Variants in CPED1 observed in about 807,000 individuals in gnomAD.
CPED1 encodes the protein cadherin like and PC-esterase domain containing 1, also known as cadherin-like and PC-esterase domain-containing protein 1.
In CPED1, 114 loss-of-function variants were observed where a neutral mutation model predicts 128.2. The ratio of observed to expected loss-of-function variants is 0.89; its 90% CI spans 0.76 to 1.04. CPED1 has a LOEUF of 1.04. CPED1 is among the 50% of genes least tolerant of loss of function. The pLI is 0.00. For synonymous variants in CPED1, 462 were observed against 426.7 expected, an observed-to-expected ratio of 1.08 and a Z score of -1.02; for missense variants, 1,211 against 1,207.1, an observed-to-expected ratio of 1.00 and a Z score of -0.05.
At position 120,989,663 on chromosome 7, in the gene CPED1, C is replaced by T. The variant is rs1796276560; in HGVS notation, c.42C>T (p.Cys14=). 6.2e-7 allele frequency: 1 copy of T among 1,614,000 alleles called. No individual in the cohort carries two copies. Among genetic ancestry groups the T allele is most frequent in the East Asian group, 2.2e-5 (1 of 44,870 alleles). ...TGTTCCCTTGTCGTCGGCGATTTTG[C>T]CCCCGACCCTTCTTGGTGGGCTTAG... ...RPVFPCRRRF[C]PRPFLVGLVV... is the part of the protein sequence containing the mutation. Residue 14 remains cysteine, a synonymous_variant, in exon 2 of 23, where the codon TGC becomes TGT. Coordinates refer to ENST00000310396, the MANE Select transcript of CPED1 (RefSeq NM_024913.5).
chr7:121,078,085 C>T (rs1278422580), intron 5 of CPED1, among the ~76,000 whole-genome samples: 7 of 151,956 alleles, frequency 4.6e-5, no homozygotes, highest in African/African-American at 7.3e-5. Context: ...GTCTCACTCT[C>T]GCCAGGCTGG....
intron 10 of CPED1, among the ~76,000 whole-genome samples, chr7:121,127,579 A>G (rs1055217451): frequency 6.3e-5 from 9 of 142,414 alleles, no homozygotes; most frequent in African/African-American, 1.3e-4. Context: ...TCTGTCACCC[A>G]GGCAGGAGTG....
chr7:121,030,337 C>A (rs923184276), intron 3 of CPED1, among the ~76,000 whole-genome samples: 1 of 152,214 alleles, frequency 6.6e-6, no homozygotes, highest in African/African-American at 2.4e-5. Flanking sequence ...CATGGTTTCA[C>A]TTTCCGTGGT....
intron 16 of CPED1, among the ~76,000 whole-genome samples, chr7:121,229,197 CT>C (rs1365692691): frequency 1.3e-5 from 2 of 151,964 alleles, no homozygotes; most frequent in Non-Finnish European, 2.9e-5. Context: ...CCTCATAAAT[CT>C]GTACAAATTT....
intron 4 of CPED1, among the ~76,000 whole-genome samples, chr7:121,063,938 C>T (rs1793753715): frequency 6.6e-6 from 1 of 152,046 alleles, no homozygotes; most frequent in Non-Finnish European, 1.5e-5. Flanking sequence ...CTATATTTGT[C>T]TCAAGTATTT....
intron 22 of CPED1, among the ~76,000 whole-genome samples, chr7:121,273,371 A>G (rs1183739720): frequency 6.6e-6 from 1 of 151,792 alleles, no homozygotes; most frequent in Non-Finnish European, 1.5e-5. Context: ...AAAATACAAA[A>G]ATTAGCCAGG....
intron 16 of CPED1, among the ~76,000 whole-genome samples, chr7:121,147,292 C>T (rs983564866): frequency 6.6e-6 from 1 of 151,994 alleles, no homozygotes; most frequent in Non-Finnish European, 1.5e-5. Context: ...ATTAATCTGC[C>T]TTCTTTTCTG....
At chr7:121,228,987 G>A (rs996831019) in intron 16 of CPED1, among the ~76,000 whole-genome samples, 2 of 151,896 alleles carry the variant, frequency 1.3e-5, no homozygotes, top group African/African-American at 4.8e-5. Context: ...AGAATGAGTG[G>A]GGGTAAGGAG....
At chr7:121,076,930 T>TA (rs151289514) in intron 5 of CPED1, among the ~76,000 whole-genome samples, 3,334 of 151,104 alleles carry the variant, frequency 0.022, 127 homozygotes, top group African/African-American at 0.076. Flanking sequence ...CTCTAAACTT[T>TA]AAAAAAAAAT....
intron 16 of CPED1, among the ~76,000 whole-genome samples, chr7:121,177,609 T>G (rs1397057406): frequency 6.6e-6 from 1 of 152,134 alleles, no homozygotes; most frequent in Middle Eastern, 3.4e-3. Context: ...AATAATTCTT[T>G]CCATAAAGAG....
intron 18 of CPED1, among the ~76,000 whole-genome samples, chr7:121,246,751 A>G (rs1471990564): frequency 6.6e-6 from 1 of 151,870 alleles, no homozygotes; most frequent in Non-Finnish European, 1.5e-5. Flanking sequence ...TCTACAAAGT[A>G]GTGGTTAAAA....
chr7:121,149,977 C>T (rs1796116506), intron 16 of CPED1, among the ~76,000 whole-genome samples: 1 of 152,108 alleles, frequency 6.6e-6, no homozygotes, highest in Non-Finnish European at 1.5e-5. Context: ...CAAACTAACT[C>T]AAGCAAAGGT....
At chr7:121,199,673 C>CAAA (rs1160203035) in intron 16 of CPED1, among the ~76,000 whole-genome samples, 5 of 86,944 alleles carry the variant, frequency 5.8e-5, no homozygotes, top group African/African-American at 2.3e-4. Context: ...GAGACTCCAT[C>CAAA]AAAAAAAAAA....
At chr7:121,086,044 G>T (rs1242593066) in intron 5 of CPED1, among the ~76,000 whole-genome samples, 1 of 152,184 alleles carries the variant, frequency 6.6e-6, no homozygotes, top group Non-Finnish European at 1.5e-5. Flanking sequence ...TGAGAAGAAA[G>T]GGAGGAAGAT....
In CPED1 at chr7:121,055,807, A is replaced by C. The variant is rs563342031; in HGVS notation, c.541-8431A>C. Among the ~76,000 whole-genome samples, 4 of 152,056 alleles carry C rather than the reference A, an allele frequency of 2.6e-5. No homozygotes were observed. The East Asian group carries it at 7.7e-4, about 29-fold the overall frequency. On this transcript the variant is annotated intron_variant, in intron 4 of 22. Coordinates refer to ENST00000310396, the MANE Select transcript of CPED1 (RefSeq NM_024913.5). ...ATAGAGATGTTTTGGAAACTGTTAG[A>C]AAATACAATTTCTCCCAGAAATGAA...
At chr7:121,004,283 TGTTAAACA>T (rs1213987773) in intron 2 of CPED1, among the ~76,000 whole-genome samples, 14 of 152,144 alleles carry the variant, frequency 9.2e-5, no homozygotes, top group African/African-American at 3.4e-4. Context: ...GGATTGACAA[TGTTAAACA>T]GTTGAAATGG....
intron 3 of CPED1, among the ~76,000 whole-genome samples, chr7:121,017,811 T>C (rs1187147187): frequency 6.6e-6 from 1 of 152,136 alleles, no homozygotes; most frequent in East Asian, 1.9e-4. Flanking sequence ...ATCAAGGAAG[T>C]GCAAAAACAG....
chr7:121,282,082 T>G (rs1792475155), intron 22 of CPED1, among the ~76,000 whole-genome samples: 2 of 152,208 alleles, frequency 1.3e-5, no homozygotes, highest in Admixed American at 1.3e-4. Flanking sequence ...CCACATGTAG[T>G]AGCTCCTTTC....
At chr7:121,139,552 G>A (rs1037667647) in intron 14 of CPED1, among the ~76,000 whole-genome samples, 20 of 151,922 alleles carry the variant, frequency 1.3e-4, no homozygotes, top group Non-Finnish European at 4.4e-5. Flanking sequence ...AAAAATTTTG[G>A]TCTTGTTGAA....
Sources: gnomAD v4.1 joint callset for allele counts (sites outside exome capture counted in the v4.1 genomes callset) on GRCh38, gnomAD v4.1.1 for gene constraint, MANE v1.5 for transcripts, NCBI Gene and HGNC (gene_info 2026-07-23, HGNC 2026-07-21) for gene names.